The following RAB18 variants were observed in gnomAD, a reference collection of about 807,000 sequenced individuals.
RAB18 encodes ras-related protein Rab-18.
In RAB18, 10 loss-of-function variants were observed where a neutral mutation model predicts 28.5. The ratio of observed to expected loss-of-function variants is 0.35; its 90% CI spans 0.22 to 0.60. RAB18 has a LOEUF of 0.60. Ranked by LOEUF, RAB18 falls within the 20% of genes least tolerant of loss-of-function variation. The pLI is 0.78. For synonymous variants in RAB18, 93 were observed against 86.9 expected, an observed-to-expected ratio of 1.07 and a Z score of -0.39; for missense variants, 188 against 244.2, an observed-to-expected ratio of 0.77 and a Z score of 1.53.
chr10:27,537,443 G>T (rs1163010141), intron 6 of RAB18, among the ~76,000 whole-genome samples: 1 of 152,174 alleles, frequency 6.6e-6, no homozygotes, highest in Non-Finnish European at 1.5e-5. Flanking sequence ...TTGTCCAGCT[G>T]CCTGGAGCTG....
intron 1 of RAB18, among the ~76,000 whole-genome samples, chr10:27,507,858 C>T (rs182818448): frequency 6.6e-6 from 1 of 151,606 alleles, no homozygotes; most frequent in East Asian, 1.9e-4. Context: ...GGCAACATAA[C>T]GAGACCATGC....
At position 27,528,978 on chromosome 10, in the gene RAB18, G is replaced by A. The variant is rs565659854; in HGVS notation, c.186+2089G>A. On this transcript the variant is annotated intron_variant, in intron 3 of 6. Transcript: ENST00000356940. ...GTTTATTGATCATTTTAAAAAATAAGTTTTCTTTTTACATATTTTACCCAT... is the reference window on the plus strand; with the variant it reads ...GTTTATTGATCATTTTAAAAAATAAATTTTCTTTTTACATATTTTACCCAT... Among the ~76,000 whole-genome samples, 17 of 151,870 alleles carry A rather than the reference G, an allele frequency of 1.1e-4. No individual in the cohort carries two copies. In the East Asian group the frequency reaches 2.7e-3, roughly 24 times the overall value.
chr10:27,523,551 G>A (rs1183273897), intron 2 of RAB18, among the ~76,000 whole-genome samples: 7 of 149,786 alleles, frequency 4.7e-5, no homozygotes, highest in East Asian at 3.9e-4. Flanking sequence ...CTTCTGCAGC[G>A]CCTAATTTGC....
In RAB18 at chr10:27,540,610, C is replaced by T. The variant is rs1835004048; in HGVS notation, c.*2559C>T. On this transcript the variant is annotated 3_prime_UTR_variant, in exon 7 of 7. Transcript: ENST00000356940. ...GGAGTAGGTGGTCTTATTTCTTTCA[C>T]CTGCTCAGAGTGGACTGAAAATCCT... 1 of 454,024 alleles carries T rather than the reference C, an allele frequency of 2.2e-6. No individual in the cohort carries two copies. The highest frequency in any genetic ancestry group is 4.4e-6 in the Non-Finnish European group (1 of 226,768). The allele number at this position is 454,024 out of a possible 1,614,324, so 28.1% of individuals were successfully genotyped here. A position where few individuals can be genotyped will look rare whatever the true frequency, so the allele number is the denominator to read the frequency against.
intron 2 of RAB18, among the ~76,000 whole-genome samples, chr10:27,511,875 A>T (rs918855272): frequency 5.9e-5 from 9 of 152,250 alleles, no homozygotes; most frequent in African/African-American, 2.2e-4. Context: ...TCCAACTGTG[A>T]TGGTTATCAA....
chr10:27,507,631 G>C (rs910397453), intron 1 of RAB18, among the ~76,000 whole-genome samples: 4 of 142,200 alleles, frequency 2.8e-5, no homozygotes, highest in Admixed American at 7.3e-5. Context: ...TTATAAATTT[G>C]GTCACATCTA....
In RAB18 at chr10:27,510,906, T is replaced by C. The variant is rs149142251; in HGVS notation, c.124+976T>C. ...AAATAGCACAAATAATTCTTATGTA[T>C]CCTATTAAATTACTCCAGATGTTAA... On this transcript the variant is annotated intron_variant, in intron 2 of 6. Coordinates refer to ENST00000356940, the MANE Select transcript of RAB18 (RefSeq NM_021252.5). Among the ~76,000 whole-genome samples, 223 of 152,346 alleles carry C rather than the reference T, an allele frequency of 1.5e-3. 2 individuals are homozygous for C. Among genetic ancestry groups the C allele is most frequent in the African/African-American group, 4.7e-3 (196 of 41,580 alleles).
intron 2 of RAB18, among the ~76,000 whole-genome samples, chr10:27,521,104 A>G (rs1350460898): frequency 1.3e-5 from 2 of 151,948 alleles, no homozygotes; most frequent in African/African-American, 2.4e-5. Flanking sequence ...ATTTGCCAGT[A>G]TTCCTTCTGT....
intron 2 of RAB18, among the ~76,000 whole-genome samples, chr10:27,519,938 G>A (rs1834512888): frequency 6.6e-6 from 1 of 152,110 alleles, no homozygotes; most frequent in Non-Finnish European, 1.5e-5. Flanking sequence ...CATATATGGT[G>A]TATATCATGT....
At chr10:27,509,569 A>G (rs139648695) in intron 1 of RAB18, among the ~76,000 whole-genome samples, 5 of 152,304 alleles carry the variant, frequency 3.3e-5, no homozygotes, top group African/African-American at 4.8e-5. Context: ...TCTCAGAAGG[A>G]CATACCAGAA....
intron 3 of RAB18, among the ~76,000 whole-genome samples, chr10:27,528,042 G>A (rs12263216): frequency 0.037 from 5,554 of 152,110 alleles, 315 homozygotes; most frequent in African/African-American, 0.12. Context: ...TGTGTTGAAC[G>A]ATATAAGAAT....
At chr10:27,521,007 T>C (rs970263364) in intron 2 of RAB18, among the ~76,000 whole-genome samples, 1 of 151,958 alleles carries the variant, frequency 6.6e-6, no homozygotes, top group Admixed American at 6.6e-5. Flanking sequence ...ATTGTATTTT[T>C]ATTTGTCTCA....
intron 6 of RAB18, among the ~76,000 whole-genome samples, chr10:27,536,638 C>T (rs1234524135): frequency 6.6e-6 from 1 of 152,180 alleles, no homozygotes; most frequent in Admixed American, 6.5e-5. Context: ...AACAAGGCTG[C>T]ACATGACATG....
rs756946468 is a variant in RAB18, at chr10:27,532,593, T to G, written c.259+14T>G. The G allele has an allele frequency of 1.9e-6, 3 of 1,542,414 alleles. No homozygotes were observed. The highest frequency in any genetic ancestry group is 4.5e-5 in the East Asian group (2 of 44,338). ...GTGTTATATTAGGTAAGTGTTTACT[T>G]TAATGTACTATTTAAAAATATTTAT... On this transcript the variant is annotated intron_variant, in intron 4 of 6. Coordinates refer to ENST00000356940, the MANE Select transcript of RAB18 (RefSeq NM_021252.5).
chr10:27,513,662 A>T (rs1455999013), intron 2 of RAB18, among the ~76,000 whole-genome samples: 1 of 152,218 alleles, frequency 6.6e-6, no homozygotes, highest in Non-Finnish European at 1.5e-5. Flanking sequence ...CCAAGCCACA[A>T]AATAGGTGGA....
rs1390617522 is a variant in RAB18 at position 27,538,880 on chromosome 10, A to C, written c.*829A>C. ...AACATCTTTTTTCATAAATGTTGGT[A>C]GTGTTTGTCCAGGTACCTTAACTGT... On this transcript the variant is annotated 3_prime_UTR_variant, in exon 7 of 7. Transcript: ENST00000356940. The C allele has an allele frequency of 2.2e-6, 1 of 453,850 alleles. No homozygotes were observed. Among genetic ancestry groups the C allele is most frequent in the African/African-American group, 2.0e-5 (1 of 49,968 alleles). The allele number at this position is 453,850 out of a possible 1,614,324, so 28.1% of individuals were successfully genotyped here.
At chr10:27,515,045 G>A (rs1316548709) in intron 2 of RAB18, among the ~76,000 whole-genome samples, 1 of 152,160 alleles carries the variant, frequency 6.6e-6, no homozygotes, top group South Asian at 2.1e-4. Flanking sequence ...GATTGCAGGT[G>A]TGAGCCACTG....
At chr10:27,531,550 G>A in intron 3 of RAB18, 1 of 1,462,806 alleles carries the variant, frequency 6.8e-7, no homozygotes, top group Non-Finnish European at 9.4e-7. Flanking sequence ...TCAGCAGACT[G>A]CAAACTTTTT....
intron 2 of RAB18, among the ~76,000 whole-genome samples, chr10:27,511,529 A>G (rs1009285666): frequency 2.0e-5 from 3 of 152,064 alleles, no homozygotes; most frequent in Admixed American, 1.3e-4. Context: ...TTAATCAGCA[A>G]TTCTTCAGTC....
Sources: gnomAD v4.1 joint callset for allele counts (sites outside exome capture counted in the v4.1 genomes callset) on GRCh38, gnomAD v4.1.1 for gene constraint, MANE v1.5 for transcripts, NCBI Gene and HGNC (gene_info 2026-07-23, HGNC 2026-07-21) for gene names.